Variants in MARCHF1 observed in about 807,000 individuals in gnomAD.
The protein encoded by MARCHF1 is membrane associated ring-CH-type finger 1.
In MARCHF1, 40 loss-of-function variants were observed where a neutral mutation model predicts 54.2. The observed-to-expected ratio is 0.74, with a 90% CI of 0.57 to 0.96. The LOEUF (loss-of-function observed/expected upper bound fraction) is 0.96, where lower values mean the gene tolerates loss of function less well. Ranked by LOEUF, MARCHF1 falls within the 40% of genes least tolerant of loss-of-function variation. The pLI is 0.00. For synonymous variants in MARCHF1, 236 were observed against 236.3 expected (o/e 1.00, Z 0.01); for missense variants, 586 against 656.5 (o/e 0.89, Z 1.17).
intron 4 of MARCHF1, among the ~76,000 whole-genome samples, chr4:163,712,485 T>C (rs1704663521): frequency 1.3e-5 from 2 of 152,218 alleles, no homozygotes; most frequent in Admixed American, 6.5e-5. Flanking sequence ...AGGTTGGTAA[T>C]CCATCCTTCA....
intron 1 of MARCHF1, among the ~76,000 whole-genome samples, chr4:164,333,377 A>T (rs7690528): frequency 0.013 from 1,930 of 152,068 alleles, 34 homozygotes; most frequent in African/African-American, 0.044. Context: ...GTCTATCAGC[A>T]CCATTTTTCA....
intron 1 of MARCHF1, among the ~76,000 whole-genome samples, chr4:164,142,114 G>A (rs977896287): frequency 2.0e-5 from 3 of 152,180 alleles, no homozygotes; most frequent in African/African-American, 7.2e-5. Flanking sequence ...CTTTTCCAAC[G>A]GGCTTAAAAC....
intron 1 of MARCHF1, among the ~76,000 whole-genome samples, chr4:164,212,060 C>T (rs968803412): frequency 1.3e-5 from 2 of 151,626 alleles, no homozygotes; most frequent in Non-Finnish European, 2.9e-5. Context: ...TAATAATTTG[C>T]TCTCAAAGTG....
intron 2 of MARCHF1, among the ~76,000 whole-genome samples, chr4:164,037,452 A>G (rs1754029690): frequency 6.6e-6 from 1 of 152,202 alleles, no homozygotes; most frequent in Admixed American, 6.5e-5. Flanking sequence ...TCACCTTCCA[A>G]CTACTATTTT....
intron 1 of MARCHF1, among the ~76,000 whole-genome samples, chr4:164,303,633 G>A (rs1283788915): frequency 6.6e-6 from 1 of 152,006 alleles, no homozygotes; most frequent in Non-Finnish European, 1.5e-5. Context: ...TGCCATTATT[G>A]TGTCACTTTG....
intron 9 of MARCHF1, among the ~76,000 whole-genome samples, chr4:163,535,026 AAAG>A (rs1301866492): frequency 6.6e-6 from 1 of 152,064 alleles, no homozygotes; most frequent in East Asian, 1.9e-4. Context: ...ATAATACTTT[AAAG>A]TAGTAATAAT....
chr4:163,806,545 G>A (rs952531082), intron 4 of MARCHF1, among the ~76,000 whole-genome samples: 4 of 152,188 alleles, frequency 2.6e-5, no homozygotes, highest in African/African-American at 4.8e-5. Flanking sequence ...CTTGGCCACT[G>A]GAGTTAAGTA....
At chr4:164,285,587 C>T (rs912217822) in intron 1 of MARCHF1, among the ~76,000 whole-genome samples, 1 of 151,664 alleles carries the variant, frequency 6.6e-6, no homozygotes, top group South Asian at 2.1e-4. Flanking sequence ...GGACTCTAGG[C>T]GCCTGCAACC....
chr4:164,344,084 G>T (rs528337166), intron 1 of MARCHF1, among the ~76,000 whole-genome samples: 6 of 152,234 alleles, frequency 3.9e-5, no homozygotes, highest in South Asian at 2.1e-4. Flanking sequence ...CAGCATGGAT[G>T]GTGCTGGAGG....
At chr4:163,833,031 A>C (rs1240782376) in intron 4 of MARCHF1, among the ~76,000 whole-genome samples, 1 of 152,056 alleles carries the variant, frequency 6.6e-6, no homozygotes, top group East Asian at 1.9e-4. Context: ...TGCTATTGTG[A>C]ATAGTGCTGC....
intron 2 of MARCHF1, among the ~76,000 whole-genome samples, chr4:164,044,376 G>A (rs956264533): frequency 2.6e-5 from 4 of 152,038 alleles, no homozygotes; most frequent in South Asian, 2.1e-4. Flanking sequence ...ATGTCCTCAC[G>A]TGGTGGCAGG....
At chr4:164,122,023 G>A (rs1756077449) in intron 1 of MARCHF1, among the ~76,000 whole-genome samples, 1 of 152,132 alleles carries the variant, frequency 6.6e-6, no homozygotes, top group Non-Finnish European at 1.5e-5. Context: ...TCCCAGGGAT[G>A]CAAGTATGGT....
chr4:163,707,411 CAG>C (rs1279801668), intron 4 of MARCHF1, among the ~76,000 whole-genome samples: 1 of 151,832 alleles, frequency 6.6e-6, no homozygotes, highest in Non-Finnish European at 1.5e-5. Context: ...GAGATAGAAA[CAG>C]AAATTCACAA....
intron 4 of MARCHF1, among the ~76,000 whole-genome samples, chr4:163,816,204 C>T (rs982920765): frequency 2.0e-5 from 3 of 151,988 alleles, no homozygotes; most frequent in Non-Finnish European, 2.9e-5. Context: ...TAAACTGCTG[C>T]GAAGGCATTG....
chr4:164,000,439 A>T (rs1438016456), intron 2 of MARCHF1, among the ~76,000 whole-genome samples: 1 of 150,748 alleles, frequency 6.6e-6, no homozygotes, highest in African/African-American at 2.4e-5. Context: ...TTTTGGATGG[A>T]AAATTCAATA....
chr4:163,849,479 T>C (rs959118711), intron 4 of MARCHF1, among the ~76,000 whole-genome samples: 3 of 152,172 alleles, frequency 2.0e-5, no homozygotes, highest in Non-Finnish European at 4.4e-5. Flanking sequence ...AAATGTAGGA[T>C]AAGCAGGCTA....
intron 3 of MARCHF1, among the ~76,000 whole-genome samples, chr4:163,967,015 G>A (rs190014833): frequency 4.4e-4 from 67 of 152,156 alleles, no homozygotes; most frequent in African/African-American, 1.4e-3. Context: ...ATCACATTCC[G>A]GGGGAGGGAA....
chr4:164,135,420 A>C (rs1296215754), intron 1 of MARCHF1: 1 of 152,254 alleles, frequency 6.6e-6, no homozygotes, highest in East Asian at 1.9e-4. Flanking sequence ...ATTAACTCAC[A>C]GTTCCACAGG....
chr4:163,823,725 A>C (rs1748763834), intron 4 of MARCHF1, among the ~76,000 whole-genome samples: 1 of 151,888 alleles, frequency 6.6e-6, no homozygotes, highest in Non-Finnish European at 1.5e-5. Context: ...AGAATGATCA[A>C]AAGTAGTAAT....
Sources: gnomAD v4.1 joint callset for allele counts (sites outside exome capture counted in the v4.1 genomes callset) on GRCh38, gnomAD v4.1.1 for gene constraint, MANE v1.5 for transcripts, NCBI Gene and HGNC (gene_info 2026-07-23, HGNC 2026-07-21) for gene names.